The following MEI1 variants were observed in gnomAD, a reference collection of about 807,000 sequenced individuals.
MEI1 encodes the protein meiotic double-stranded break formation protein 1.
In MEI1, 103 loss-of-function variants were observed where a neutral mutation model predicts 146.2. The ratio of observed to expected loss-of-function variants is 0.70; its 90% confidence interval spans 0.60 to 0.83. The LOEUF is 0.83. Among genes scored for constraint, MEI1 ranks in the 40% least tolerant of loss-of-function variants. The probability of loss-of-function intolerance (pLI) is 0.00; values close to 1 mark genes in which losing one functional copy is unlikely to be tolerated. For missense variants in MEI1, 1,529 were observed against 1,533.0 expected, an observed-to-expected ratio of 1.00 and a Z score of 0.04; for synonymous variants, 652 against 628.2, an observed-to-expected ratio of 1.04 and a Z score of -0.57.
chr22:41,707,184 T>C (rs908542943), intron 3 of MEI1, among the ~76,000 whole-genome samples: 1 of 152,150 alleles, frequency 6.6e-6, no homozygotes, highest in African/African-American at 2.4e-5. Context: ...ACTTGGGTGA[T>C]ACAGTGAGAC....
intron 2 of MEI1, among the ~76,000 whole-genome samples, chr22:41,704,271 A>G (rs739136): frequency 0.83 from 126,862 of 152,148 alleles, 53,843 homozygotes; most frequent in African/African-American, 0.95. Context: ...TGCCAAGACA[A>G]TTTTTAAGGG....
rs140926503 is a variant in MEI1, at chr22:41,712,672, A to ATGTGTG, written c.350-1305_350-1300dup. On this transcript the variant is annotated intron_variant, in intron 3 of 30. Coordinates refer to ENST00000401548, the MANE Select transcript of MEI1 (RefSeq NM_152513.4). ...TTTAAGTATATTTAAATAGAAATAG[A>ATGTGTG]TGTGTGTGTGTGTGTGTGTGTGTGT... 0.048 allele frequency among the ~76,000 whole-genome samples: 7,028 copies of ATGTGTG among 146,998 alleles called. 701 individuals are homozygous for ATGTGTG. The East Asian group carries it at 0.48, about 10-fold the overall frequency.
Position 41,795,904 on chromosome 22 carries a change from T to G in MEI1, c.3779+57T>G. 2 of 1,612,744 alleles carry G rather than the reference T, an allele frequency of 1.2e-6. No individual in the cohort carries two copies. The highest frequency in any genetic ancestry group is 1.1e-5 in the South Asian group (1 of 90,992). Reference sequence around the variant, plus strand: ...TGCCAAATCACTGGGTGTTTGGGGCTTCTCTTCCTGGGCCAGTTTATGCGG... The same window carrying G: ...TGCCAAATCACTGGGTGTTTGGGGCGTCTCTTCCTGGGCCAGTTTATGCGG... On this transcript the variant is annotated intron_variant, in intron 30 of 30. Coordinates refer to ENST00000401548, the MANE Select transcript of MEI1 (RefSeq NM_152513.4). The surrounding 1 kb of genome is among the most constrained non-coding windows in gnomAD (Gnocchi z 4.2).
At chr22:41,718,773 T>A (rs189247730) in intron 6 of MEI1, among the ~76,000 whole-genome samples, 37 of 152,256 alleles carry the variant, frequency 2.4e-4, no homozygotes, top group Non-Finnish European at 4.3e-4. Flanking sequence ...ATCAAGAGGC[T>A]GGCAGTTGGT....
chr22:41,736,455 G>A (rs2147656137), intron 11 of MEI1, among the ~76,000 whole-genome samples: 1 of 151,938 alleles, frequency 6.6e-6, no homozygotes, highest in African/African-American at 2.4e-5. Flanking sequence ...GGGTTTCACC[G>A]TGTTAGCCAG....
chr22:41,728,860 C>CAA (rs112016114), intron 7 of MEI1, among the ~76,000 whole-genome samples: 6,691 of 136,326 alleles, frequency 0.049, 520 homozygotes, highest in African/African-American at 0.17. Context: ...GACCCTGTGT[C>CAA]AAAAAAAAAC....
At chr22:41,765,883 CTTTTTTTTTTT>C (rs1013045266) in intron 19 of MEI1, among the ~76,000 whole-genome samples, 3 of 86,134 alleles carry the variant, frequency 3.5e-5, no homozygotes, top group South Asian at 3.8e-4. Context: ...CCAAAATGTT[CTTTTTTTTTTT>C]TTTTTTTTTT....
chr22:41,716,210 G>A, intron 5 of MEI1, 64 bp downstream of exon 5: 1 of 1,152,056 alleles, frequency 8.7e-7, no homozygotes, highest in South Asian at 1.3e-5. Context: ...CTGCCATTTG[G>A]GTGTCCCATT....
chr22:41,780,382 T>C (rs2075690144), intron 22 of MEI1, among the ~76,000 whole-genome samples: 1 of 151,740 alleles, frequency 6.6e-6, no homozygotes, highest in Non-Finnish European at 1.5e-5. Context: ...GAGCTGTAGG[T>C]AGGTTTCATA....
At chr22:41,754,420 CTTTTTCTTTTTCTTTTTG>C (rs2073962584) in intron 17 of MEI1, among the ~76,000 whole-genome samples, 1 of 112,228 alleles carries the variant, frequency 8.9e-6, no homozygotes, top group African/African-American at 1.5e-4. Context: ...TTTCTTTTTT[CTTTTTCTTTTTCTTTTTG>C]TTTTTCTTTT....
At chr22:41,782,133 A>G (rs2075779640) in intron 24 of MEI1, among the ~76,000 whole-genome samples, 1 of 152,220 alleles carries the variant, frequency 6.6e-6, no homozygotes, top group Admixed American at 6.5e-5. Flanking sequence ...TCCTACCCTT[A>G]GGGAACTTGT....
chr22:41,774,848 T>C (rs1455689987), intron 20 of MEI1, among the ~76,000 whole-genome samples: 1 of 152,196 alleles, frequency 6.6e-6, no homozygotes, highest in East Asian at 1.9e-4. Context: ...ATAGTTGTTT[T>C]TCCAGCAACT....
chr22:41,708,302 GGT>G (rs2069257451), intron 3 of MEI1, among the ~76,000 whole-genome samples: 1 of 152,178 alleles, frequency 6.6e-6, no homozygotes, highest in South Asian at 2.1e-4. Context: ...CCTTCTTAAT[GGT>G]GTTTGTTCTA....
intron 17 of MEI1, among the ~76,000 whole-genome samples, chr22:41,755,643 C>T (rs1460682822): frequency 6.6e-6 from 1 of 152,216 alleles, no homozygotes; most frequent in East Asian, 1.9e-4. Flanking sequence ...GCCTTAAACA[C>T]TGGGGCTTCT....
intron 19 of MEI1, among the ~76,000 whole-genome samples, chr22:41,768,222 A>G (rs2074971691): frequency 6.6e-6 from 1 of 152,112 alleles, no homozygotes; most frequent in Non-Finnish European, 1.5e-5. Context: ...TCTCTACTAA[A>G]ATACAAAAAA....
rs1192098043 is a variant in MEI1 at position 41,699,704 on chromosome 22, G to A, written c.166G>A (p.Gly56Ser). ...ACALELLPDPGVSLVRKKHML... is the reference protein window; with the variant it reads ...ACALELLPDPSVSLVRKKHML... ...CGCGCTGGAGCTGCTGCCGGACCCC[G>A]GCGTGTCGGTGCGGGCGGAACCTTT... The change falls in exon 1 of 31, where the codon GGC becomes AGC. Residue 56 changes from glycine (G) to serine (S), a missense_variant. Around this residue, in one of 3 missense-constraint regions of MEI1, gnomAD observed 1,212 missense variants for 1,178.9 expected, o/e 1.03. Coordinates refer to ENST00000401548, the MANE Select transcript of MEI1 (RefSeq NM_152513.4). 3 of 1,576,336 alleles carry A rather than the reference G, an allele frequency of 1.9e-6. No homozygotes were observed. Among genetic ancestry groups the A allele is most frequent in the South Asian group, 1.2e-5 (1 of 86,936 alleles).
intron 11 of MEI1, among the ~76,000 whole-genome samples, chr22:41,742,331 C>G (rs1448169471): frequency 6.6e-6 from 1 of 152,128 alleles, no homozygotes; most frequent in Admixed American, 6.6e-5. Context: ...TCCCTCTTCC[C>G]CAGAAGAGCT....
chr22:41,723,633 G>A (rs544639486), intron 6 of MEI1, among the ~76,000 whole-genome samples: 6 of 152,272 alleles, frequency 3.9e-5, no homozygotes, highest in Admixed American at 2.6e-4. Context: ...GATGGATGAT[G>A]TTATGTTGAA....
chr22:41,707,273 G>A (rs1416872291), intron 3 of MEI1, among the ~76,000 whole-genome samples: 5 of 152,096 alleles, frequency 3.3e-5, no homozygotes, highest in Non-Finnish European at 5.9e-5. Context: ...CATGGAGATA[G>A]CAATTATAGA....
Sources: gnomAD v4.1 joint callset for allele counts (sites outside exome capture counted in the v4.1 genomes callset) on GRCh38, gnomAD v4.1.1 for gene constraint, gnomAD v4.1.1 regional missense constraint, Gnocchi (gnomAD v3.1) non-coding constraint, MANE v1.5 for transcripts, NCBI Gene and HGNC (gene_info 2026-07-23, HGNC 2026-07-21) for gene names.